SERPINB12: variants seen among roughly 807,000 people sequenced by gnomAD.
The protein encoded by SERPINB12 is serpin B12.
A neutral mutation model predicts 41.1 loss-of-function variants in SERPINB12; 57 were observed. The ratio of observed to expected loss-of-function variants is 1.39; its 90% CI spans 1.12 to 1.73. The LOEUF is 1.73. SERPINB12 is among the 40% of genes most tolerant of loss of function. The probability of loss-of-function intolerance (pLI) is 0.00; values close to 1 mark genes in which losing one functional copy is unlikely to be tolerated. For synonymous variants in SERPINB12, 180 were observed against 181.3 expected (o/e 0.99, Z 0.06); for missense variants, 536 against 501.9 (o/e 1.07, Z -0.65).
the SERPINB12 span, among the ~76,000 whole-genome samples, chr18:63,520,930 T>C: frequency 6.6e-6 from 1 of 152,358 alleles, no homozygotes; most frequent in South Asian, 2.1e-4. Flanking sequence ...CATAGTAAAC[T>C]AACTGTGTGT....
At chr18:63,552,897 C>T (rs1164408581) in intron 1 of SERPINB12, among the ~76,000 whole-genome samples, 1 of 151,976 alleles carries the variant, frequency 6.6e-6, no homozygotes, top group Non-Finnish European at 1.5e-5. Context: ...ATGTTTTAGA[C>T]TTGTATGTAA....
intron 4 of SERPINB12, among the ~76,000 whole-genome samples, 175 bp downstream of exon 4, chr18:63,559,893 C>T (rs945484236): frequency 6.6e-6 from 1 of 152,186 alleles, no homozygotes; most frequent in Non-Finnish European, 1.5e-5. Context: ...GTTTTCTTCT[C>T]TTCCCAGTGT....
the SERPINB12 span, among the ~76,000 whole-genome samples, chr18:63,535,874 C>CAT: frequency 2.0e-5 from 3 of 151,674 alleles, no homozygotes; most frequent in African/African-American, 4.8e-5. Flanking sequence ...CATACACATG[C>CAT]ATATATATAT....
At chr18:63,547,709 A>G (rs577001578) in intron 1 of SERPINB12, among the ~76,000 whole-genome samples, 13 of 152,260 alleles carry the variant, frequency 8.5e-5, no homozygotes, top group Admixed American at 3.9e-4. Flanking sequence ...TAATAAATGA[A>G]CTTTTTCTTA....
intron 1 of SERPINB12, among the ~76,000 whole-genome samples, 152 bp from the exon 2 acceptor site, chr18:63,555,990 T>C (rs1002684323): frequency 6.6e-6 from 1 of 152,210 alleles, no homozygotes; most frequent in African/African-American, 2.4e-5. Flanking sequence ...AATATTTATA[T>C]ACAGGGATGA....
chr18:63,539,016 C>T (rs553612035), upstream of SERPINB12, among the ~76,000 whole-genome samples: 1 of 152,126 alleles, frequency 6.6e-6, no homozygotes, highest in African/African-American at 2.4e-5. Context: ...TGAAAATTTC[C>T]CCTTTGTTTC....
At chr18:63,555,766 T>TGA (rs1910652281) in intron 1 of SERPINB12, among the ~76,000 whole-genome samples, 1 of 152,152 alleles carries the variant, frequency 6.6e-6, no homozygotes. Context: ...CACCACAAGC[T>TGA]GAGAGAGAGG....
chr18:63,559,658 T>C lies in SERPINB12; in HGVS notation c.384T>C (p.Thr128=). Residue 128 remains threonine (T), a synonymous_variant, in exon 4 of 8, where the codon ACT becomes ACC. Coordinates refer to ENST00000382768, the MANE Select transcript of SERPINB12 (RefSeq NM_001307928.2). ...TCTCCAAATTAGACAGGATCAAGAC[T>C]GATTACACACTGAGTATTGCCAACA... The part of the protein sequence containing the change: ...QLLSKLDRIK[T]DYTLSIANRL... 4 of 1,614,140 alleles carry C rather than the reference T, an allele frequency of 2.5e-6. No individual in the cohort carries two copies. Among genetic ancestry groups the C allele is most frequent in the Non-Finnish European group, 3.4e-6 (4 of 1,179,986 alleles).
At chr18:63,561,042 C>G (rs1457984184) in intron 4 of SERPINB12, 43 bp from the exon 5 acceptor site, 1 of 1,299,748 alleles carries the variant, frequency 7.7e-7, no homozygotes, top group East Asian at 2.3e-5. Context: ...AGCATCACTG[C>G]CTGACTTTAT....
chr18:63,566,227 TA>T (rs1280546909), intron 7 of SERPINB12, among the ~76,000 whole-genome samples: 2 of 152,264 alleles, frequency 1.3e-5, no homozygotes, highest in African/African-American at 4.8e-5. Context: ...ATCACTGTGT[TA>T]AGTTCTTTAT....
At chr18:63,549,808 A>G (rs78072690) in intron 1 of SERPINB12, among the ~76,000 whole-genome samples, 5,418 of 152,220 alleles carry the variant, frequency 0.036, 336 homozygotes, top group African/African-American at 0.12. Flanking sequence ...CCTGCTGGTG[A>G]CATCTGCATC....
rs1440258082 is a variant in SERPINB12 at position 63,566,641 on chromosome 18, C to T, written c.908C>T (p.Ala303Val). 1 of 1,612,398 alleles carries T rather than the reference C, an allele frequency of 6.2e-7. No individual in the cohort carries two copies. The highest frequency in any genetic ancestry group is 1.3e-5 in the African/African-American group (1 of 74,898). The change falls in exon 8 of 8, where the codon GCC (alanine) becomes GTC (valine). Residue 303 changes from alanine (A) to valine (V), a missense_variant. Ala to Val is a moderately conservative substitution (Grantham distance 64). Transcript: ENST00000382768. ...ERKITYEKMV[A>V]WSSSENMSEE... ...AAAATCACCTATGAAAAAATGGTGG[C>T]CTGGAGCAGCTCAGAAAACATGTCA...
At chr18:63,531,183 C>A in the SERPINB12 span, among the ~76,000 whole-genome samples, 1 of 152,120 alleles carries the variant, frequency 6.6e-6, no homozygotes, top group Non-Finnish European at 1.5e-5. Context: ...AATCCATACA[C>A]AAAAATGGAT....
intron 3 of SERPINB12, among the ~76,000 whole-genome samples, chr18:63,559,040 T>TTCTTTCTTTCTTTCTTTC (rs1555675615): frequency 9.7e-4 from 27 of 27,736 alleles, no homozygotes; most frequent in African/African-American, 1.6e-3. Flanking sequence ...CTTTCTTTCT[T>TTCTTTCTTTCTTTCTTTC]TCTTTCTTTC....
In SERPINB12 at chr18:63,566,967, A is replaced by G. The variant is rs1282601346; in HGVS notation, c.1234A>G (p.Lys412Glu). 1.2e-6 allele frequency: 2 copies of G among 1,611,528 alleles called. No homozygotes were observed. The highest frequency in any genetic ancestry group is 2.7e-5 in the African/African-American group (2 of 74,732). The stretch of plus-strand genomic sequence containing the variant: ...TTTTCTCTTTTTCATTAGACACAAC[A>G]AAACCCAAACCATTCTCTTTTATGG... Reference protein sequence around the residue: ...HPFLFFIRHNKTQTILFYGRV... With the variant: ...HPFLFFIRHNETQTILFYGRV... Residue 412 changes from lysine to glutamate, a missense_variant, in exon 8 of 8, where the codon AAA becomes GAA. Coordinates refer to ENST00000382768, the MANE Select transcript of SERPINB12 (RefSeq NM_001307928.2).
the SERPINB12 span, among the ~76,000 whole-genome samples, chr18:63,532,168 G>A: frequency 1.4e-4 from 22 of 152,098 alleles, no homozygotes; most frequent in African/African-American, 3.4e-4. Flanking sequence ...TTCAGTGGTA[G>A]ACACCCTACA....
intron 2 of SERPINB12, among the ~76,000 whole-genome samples, chr18:63,557,198 C>T (rs978639142): frequency 6.6e-6 from 1 of 152,108 alleles, no homozygotes; most frequent in Non-Finnish European, 1.5e-5. Flanking sequence ...ATCTTGGGGC[C>T]TTTGCTCTCG....
At chr18:63,561,236 G>T (rs1255762869) in intron 5 of SERPINB12, 34 bp downstream of exon 5, 3 of 1,356,954 alleles carry the variant, frequency 2.2e-6, no homozygotes, top group East Asian at 2.3e-5. Flanking sequence ...AGCTGGTATT[G>T]GTTTCCATTT....
the SERPINB12 span, among the ~76,000 whole-genome samples, chr18:63,527,762 G>A: frequency 6.6e-6 from 1 of 152,042 alleles, no homozygotes; most frequent in Non-Finnish European, 1.5e-5. Flanking sequence ...TTTAAGAAAG[G>A]CAATTCACAA....
Sources: allele counts gnomAD v4.1 joint callset (sites outside exome capture counted in the v4.1 genomes callset), GRCh38; gene constraint gnomAD v4.1.1; transcripts MANE v1.5; gene names NCBI Gene and HGNC (gene_info 2026-07-23, HGNC 2026-07-21).